Variants in SMARCAL1 observed in about 807,000 individuals in gnomAD.
The protein encoded by SMARCAL1 is ATP-driven annealing helicase.
A neutral mutation model predicts 94.5 loss-of-function variants in SMARCAL1; 58 were observed. The observed-to-expected ratio is 0.61, with a 90% CI of 0.50 to 0.76. SMARCAL1 has a LOEUF of 0.76. SMARCAL1 is among the 30% of genes least tolerant of loss of function. The probability of loss-of-function intolerance (pLI) is 0.00; values close to 1 mark genes in which losing one functional copy is unlikely to be tolerated. For missense variants in SMARCAL1, 1,051 were observed against 1,177.9 expected (o/e 0.89, Z 1.58); for synonymous variants, 422 against 455.1 (o/e 0.93, Z 0.93).
Position 216,426,261 on chromosome 2 carries a change from G to A in SMARCAL1, c.1148-2335G>A, listed in dbSNP as rs73072259. ...CACACATGTTAGCTATAAAGTCTTT[G>A]ACTTTTATGGAATGACAAAAAGCAG... On this transcript the variant is annotated intron_variant, in intron 6 of 17. Coordinates refer to ENST00000357276, the MANE Select transcript of SMARCAL1 (RefSeq NM_014140.4). Among the ~76,000 whole-genome samples the A allele has an allele frequency of 2.3e-3, 353 of 152,290 alleles. 1 individual carries two copies. Among genetic ancestry groups the A allele is most frequent in the African/African-American group, 8.2e-3 (339 of 41,566 alleles).
At chr2:216,416,391 G>A (rs1693602940) in intron 4 of SMARCAL1, 84 bp downstream of exon 4, 2 of 1,183,532 alleles carry the variant, frequency 1.7e-6, no homozygotes, top group South Asian at 1.2e-5. Context: ...AGCTTATGGA[G>A]TGCATGGCTT....
In SMARCAL1 at chr2:216,447,451, T is replaced by G. The variant is rs284551; in HGVS notation, c.1851+293T>G. Among the ~76,000 whole-genome samples, 109,008 of 151,894 alleles carry G rather than the reference T, an allele frequency of 0.72. 39,583 individuals carry two copies. The highest frequency in any genetic ancestry group is 0.84 in the African/African-American group (34,654 of 41,422). On this transcript the variant is annotated intron_variant, in intron 11 of 17. Transcript: ENST00000357276. Reference sequence around the variant, plus strand: ...GTATGTGGAGCTCTGAGAGCCGGCTTCCCTCTTGCCCAGGGTCACAGCTCT... The same window carrying G: ...GTATGTGGAGCTCTGAGAGCCGGCTGCCCTCTTGCCCAGGGTCACAGCTCT...
At chr2:216,449,320 G>A (rs1694391034) in intron 11 of SMARCAL1, among the ~76,000 whole-genome samples, 2 of 152,104 alleles carry the variant, frequency 1.3e-5, no homozygotes, top group Non-Finnish European at 2.9e-5. Flanking sequence ...AATTAATTAT[G>A]ATATCCACTT....
At chr2:216,461,652 A>T (rs1300113804) in intron 12 of SMARCAL1, among the ~76,000 whole-genome samples, 3 of 152,042 alleles carry the variant, frequency 2.0e-5, no homozygotes, top group African/African-American at 4.8e-5. Flanking sequence ...ACATGGCAAA[A>T]CCCTGTCTCT....
intron 12 of SMARCAL1, among the ~76,000 whole-genome samples, chr2:216,464,232 G>A (rs1438499413): frequency 6.6e-6 from 1 of 152,182 alleles, no homozygotes; most frequent in Non-Finnish European, 1.5e-5. Context: ...TCACCAGGCT[G>A]TAGTAAATAG....
At chr2:216,423,325 C>T (rs920192016) in intron 5 of SMARCAL1, among the ~76,000 whole-genome samples, 1 of 152,210 alleles carries the variant, frequency 6.6e-6, no homozygotes, top group Non-Finnish European at 1.5e-5. Flanking sequence ...AGTTACCATC[C>T]CTGTCACTCA....
At chr2:216,455,793 C>A (rs948440653) in intron 12 of SMARCAL1, among the ~76,000 whole-genome samples, 2 of 152,196 alleles carry the variant, frequency 1.3e-5, no homozygotes, top group Non-Finnish European at 1.5e-5. Context: ...ATCAGAGTGC[C>A]TCTCCTCCTC....
intron 7 of SMARCAL1, among the ~76,000 whole-genome samples, chr2:216,432,318 CTG>C (rs1693981370): frequency 6.6e-6 from 1 of 152,136 alleles, no homozygotes; most frequent in Non-Finnish European, 1.5e-5. Context: ...AAGGCAGACT[CTG>C]GAGTGAGTAA....
At chr2:216,451,241 A>G in intron 12 of SMARCAL1, 177 bp downstream of exon 12, 1 of 649,164 alleles carries the variant, frequency 1.5e-6, no homozygotes, top group Admixed American at 2.4e-5. Context: ...GTCAGTTTTG[A>G]AAAATCTCAT....
At chr2:216,481,552 G>A (rs1695200902) in intron 17 of SMARCAL1, among the ~76,000 whole-genome samples, 3 of 151,678 alleles carry the variant, frequency 2.0e-5, no homozygotes, top group African/African-American at 4.9e-5. Flanking sequence ...CACCCAGGCT[G>A]GAGTGCAGTG....
chr2:216,464,571 A>T, intron 12 of SMARCAL1, 26 bp from the exon 13 acceptor site: 1 of 1,572,332 alleles, frequency 6.4e-7, no homozygotes, highest in Non-Finnish European at 8.8e-7. Context: ...TGGGGCACTT[A>T]ACATTCTTAA....
At chr2:216,464,021 G>A (rs928717316) in intron 12 of SMARCAL1, among the ~76,000 whole-genome samples, 3 of 152,138 alleles carry the variant, frequency 2.0e-5, no homozygotes, top group African/African-American at 4.8e-5. Context: ...CAGCCTGGGC[G>A]AGACAGAGCG....
intron 12 of SMARCAL1, among the ~76,000 whole-genome samples, chr2:216,453,148 C>G (rs1011762150): frequency 6.6e-6 from 1 of 152,170 alleles, no homozygotes; most frequent in Non-Finnish European, 1.5e-5. Flanking sequence ...GAAAATGAAG[C>G]CTAAATTGCA....
At chr2:216,473,422 G>T (rs1425376610) in intron 14 of SMARCAL1, among the ~76,000 whole-genome samples, 1 of 142,806 alleles carries the variant, frequency 7.0e-6, no homozygotes, top group Admixed American at 7.3e-5. Context: ...CTCCCTTTTA[G>T]TGCTAAATAA....
Position 216,438,411 on chromosome 2 carries a change from T to A in SMARCAL1, c.1645-9T>A. ...GATCTTGTACACTTATGTGGCTACT[T>A]CTTTTCAGGATGAATCTCACTTCCT... On this transcript the variant is annotated splice_polypyrimidine_tract_variant and intron_variant, in intron 9 of 17. Transcript: ENST00000357276. The A allele has an allele frequency of 1.2e-6, 2 of 1,613,266 alleles. No homozygotes were observed. The highest frequency in any genetic ancestry group is 1.7e-6 in the Non-Finnish European group (2 of 1,179,254).
At position 216,447,643 on chromosome 2, in the gene SMARCAL1, G is replaced by A. The variant is rs149527957; in HGVS notation, c.1851+485G>A. Among the ~76,000 whole-genome samples, 5 of 147,726 alleles carry A rather than the reference G, an allele frequency of 3.4e-5. No homozygotes were observed. The East Asian group carries it at 1.0e-3, about 30-fold the overall frequency. ...CCTCCTGGCATGGGAGGAATATGAA[G>A]TAAAGGTGGGAAATTCCTCCCTGTG... is the stretch of plus-strand genomic sequence containing the variant. On this transcript the variant is annotated intron_variant, in intron 11 of 17. Coordinates refer to ENST00000357276, the MANE Select transcript of SMARCAL1 (RefSeq NM_014140.4).
intron 4 of SMARCAL1, among the ~76,000 whole-genome samples, chr2:216,418,080 G>A (rs114182237): frequency 2.5e-3 from 382 of 152,030 alleles, no homozygotes; most frequent in African/African-American, 8.9e-3. Flanking sequence ...ACCATGCCTG[G>A]CTAATTTTTA....
At chr2:216,433,935 C>A (rs1302559972) in intron 8 of SMARCAL1, among the ~76,000 whole-genome samples, 9 of 149,592 alleles carry the variant, frequency 6.0e-5, no homozygotes, top group Non-Finnish European at 1.3e-4. Flanking sequence ...AAAAAAAAAA[C>A]ACTAAAAAAT....
intron 17 of SMARCAL1, among the ~76,000 whole-genome samples, chr2:216,479,741 A>G (rs960337105): frequency 6.6e-6 from 1 of 152,196 alleles, no homozygotes; most frequent in Non-Finnish European, 1.5e-5. Context: ...ATGGTAACAG[A>G]GCCTAGGTTA....
Sources: allele counts gnomAD v4.1 joint callset (sites outside exome capture counted in the v4.1 genomes callset), GRCh38; gene constraint gnomAD v4.1.1; transcripts MANE v1.5; gene names NCBI Gene and HGNC (gene_info 2026-07-23, HGNC 2026-07-21).